The following ARID3B variants were observed in gnomAD, a reference collection of about 807,000 sequenced individuals.
ARID3B encodes AT-rich interactive domain-containing protein 3B.
In ARID3B, 10 loss-of-function variants were observed where a neutral mutation model predicts 51.9. The ratio of observed to expected loss-of-function variants is 0.19; its 90% CI spans 0.12 to 0.33. The LOEUF (loss-of-function observed/expected upper bound fraction) is 0.33, where lower values mean the gene tolerates loss of function less well. ARID3B is among the 10% of genes least tolerant of loss of function. The pLI is 1.00. For missense variants in ARID3B, 483 were observed against 716.3 expected (o/e 0.67, Z 3.72); for synonymous variants, 205 against 279.5 (o/e 0.73, Z 2.66).
At chr15:74,566,951 GA>G (rs1372370897) in intron 2 of ARID3B, among the ~76,000 whole-genome samples, 7 of 151,984 alleles carry the variant, frequency 4.6e-5, no homozygotes, top group Admixed American at 2.0e-4. Flanking sequence ...GAAAAAAAAG[GA>G]AAAGTGAAAA....
intron 4 of ARID3B, among the ~76,000 whole-genome samples, chr15:74,589,165 C>A (rs1179423165): frequency 6.6e-6 from 1 of 151,236 alleles, no homozygotes; most frequent in Non-Finnish European, 1.5e-5. Context: ...GTAGCTGGGA[C>A]TACAGGCGCC....
intron 4 of ARID3B, among the ~76,000 whole-genome samples, chr15:74,576,185 G>A (rs1567122923): frequency 6.6e-6 from 1 of 152,014 alleles, no homozygotes; most frequent in South Asian, 2.1e-4. Flanking sequence ...ATGAGCCACC[G>A]CACCTGGTTA....
chr15:74,543,720 TC>T, intron 1 of ARID3B, 139 bp from the exon 2 acceptor site: 1 of 535,858 alleles, frequency 1.9e-6, no homozygotes, highest in Non-Finnish European at 3.2e-6. Flanking sequence ...CACTCACTCA[TC>T]TTAAAACTCA....
chr15:74,548,038 G>A (rs889759969), intron 2 of ARID3B, among the ~76,000 whole-genome samples: 3 of 152,170 alleles, frequency 2.0e-5, no homozygotes, highest in African/African-American at 4.8e-5. Context: ...TTAAGGTGTG[G>A]TATTATTCTC....
At chr15:74,584,943 A>G (rs1439104163) in intron 4 of ARID3B, among the ~76,000 whole-genome samples, 1 of 152,172 alleles carries the variant, frequency 6.6e-6, no homozygotes, top group Non-Finnish European at 1.5e-5. Flanking sequence ...CTGAAATCTG[A>G]TAAGGGGCCT....
intron 2 of ARID3B, among the ~76,000 whole-genome samples, chr15:74,548,537 C>T (rs1262400600): frequency 6.6e-6 from 1 of 152,198 alleles, no homozygotes; most frequent in Non-Finnish European, 1.5e-5. Context: ...TACCCTTCCC[C>T]TTCTAGCATG....
Position 74,591,511 on chromosome 15 carries a change from G to A in ARID3B, c.1166-49G>A. ...TCCCTGTGTTCAAGACTGGGGTTTT[G>A]GGGCAAGAGGGTCAATTGTGGATTG... On this transcript the variant is annotated intron_variant, in intron 6 of 8. Transcript: ENST00000346246. This position sits in a 1 kb window ranked among gnomAD's most constrained non-coding sequence, Gnocchi z 5.8. 4 of 1,594,242 alleles carry A rather than the reference G, an allele frequency of 2.5e-6. No homozygotes were observed. Among genetic ancestry groups the A allele is most frequent in the Non-Finnish European group, 3.4e-6 (4 of 1,166,042 alleles).
chr15:74,562,322 G>A (rs1416423637), intron 2 of ARID3B, among the ~76,000 whole-genome samples: 1 of 151,960 alleles, frequency 6.6e-6, no homozygotes, highest in East Asian at 1.9e-4. Context: ...TGTATTTTTA[G>A]TAGAGACTGG....
chr15:74,549,006 A>T (rs1285805439), intron 2 of ARID3B, among the ~76,000 whole-genome samples: 2 of 152,084 alleles, frequency 1.3e-5, no homozygotes, highest in Non-Finnish European at 2.9e-5. Flanking sequence ...GCCATGACTG[A>T]CTGACTGGTG....
chr15:74,572,897 A>G lies in ARID3B; in HGVS notation c.588A>G (p.Gly196=). Reference sequence around the variant, plus strand: ...TGGCCTGGAGTGATGATGCAGATGGAGGCCGGGGAAGAGAGATCTCTCGAG... The same window carrying G: ...TGGCCTGGAGTGATGATGCAGATGGGGGCCGGGGAAGAGAGATCTCTCGAG... ...GGLAWSDDAD[G]GRGREISRDF... The change falls in exon 3 of 9, where the codon GGA becomes GGG. Residue 196 remains glycine, a synonymous_variant. Transcript: ENST00000346246. The G allele has an allele frequency of 6.2e-7, 1 of 1,614,122 alleles. No individual in the cohort carries two copies. The highest frequency in any genetic ancestry group is 2.2e-5 in the East Asian group (1 of 44,876).
intron 2 of ARID3B, among the ~76,000 whole-genome samples, chr15:74,547,149 T>A (rs2061618768): frequency 1.3e-5 from 2 of 151,546 alleles, no homozygotes; most frequent in Admixed American, 1.3e-4. Flanking sequence ...GACACAGATC[T>A]TTCCCCCCCG....
At chr15:74,572,753 G>A in intron 2 of ARID3B, 109 bp from the exon 3 acceptor site, 2 of 1,034,272 alleles carry the variant, frequency 1.9e-6, no homozygotes, top group East Asian at 2.4e-5. Flanking sequence ...AGTGAGGATA[G>A]CACAATTGCT....
At chr15:74,578,618 G>T (rs2061747348) in intron 4 of ARID3B, among the ~76,000 whole-genome samples, 1 of 152,166 alleles carries the variant, frequency 6.6e-6, no homozygotes, top group Admixed American at 6.5e-5. Context: ...AGCAGGTCAG[G>T]GACTTGGCCT....
At chr15:74,550,891 A>T (rs1172085352) in intron 2 of ARID3B, among the ~76,000 whole-genome samples, 1 of 152,150 alleles carries the variant, frequency 6.6e-6, no homozygotes, top group Non-Finnish European at 1.5e-5. Context: ...GAAAAATATG[A>T]GTGTGAAAGA....
intron 4 of ARID3B, among the ~76,000 whole-genome samples, chr15:74,585,857 T>TGAAAAA (rs1567125818): frequency 6.6e-6 from 1 of 152,204 alleles, no homozygotes; most frequent in Non-Finnish European, 1.5e-5. Context: ...TCTCAGTTGT[T>TGAAAAA]AGAAGAATCA....
chr15:74,572,957 A>G (rs1175646927), intron 3 of ARID3B, 24 bp downstream of exon 3: 1 of 1,613,322 alleles, frequency 6.2e-7, no homozygotes, highest in Non-Finnish European at 8.5e-7. Context: ...CCTTTGTGAT[A>G]CAGATAGGGG....
In ARID3B at chr15:74,544,269, T is replaced by A. The variant is rs781478898; in HGVS notation, c.333T>A (p.Ala111=). 5.0e-6 allele frequency: 8 copies of A among 1,614,062 alleles called. No homozygotes were observed. The Admixed American group carries it at 1.3e-4, about 27-fold the overall frequency. Residue 111 remains alanine, a synonymous_variant, in exon 2 of 9, where the codon GCT becomes GCA. Transcript: ENST00000346246. ...EDGDDEVAEV[A]EKETQAASKY... Reference sequence around the variant, plus strand: ...GGGATGATGAAGTTGCAGAGGTGGCTGAGAAAGAAACCCAGGCTGCTTCAA... The same window carrying A: ...GGGATGATGAAGTTGCAGAGGTGGCAGAGAAAGAAACCCAGGCTGCTTCAA...
chr15:74,544,435 T>G lies in ARID3B; in HGVS notation c.499T>G (p.Ser167Ala), dbSNP rs773326406. 12 of 1,614,052 alleles carry G rather than the reference T, an allele frequency of 7.4e-6. No individual in the cohort carries two copies. In the Admixed American group the frequency reaches 1.2e-4, roughly 16 times the overall value. The change falls in exon 2 of 9, where the codon TCT (serine) becomes GCT (alanine). Residue 167 changes from serine (S) to alanine (A), a missense_variant. This residue lies in a region of ARID3B where 182 missense variants were observed against 244.5 expected (regional missense o/e 0.74). Coordinates refer to ENST00000346246, the MANE Select transcript of ARID3B (RefSeq NM_006465.4). The stretch of plus-strand genomic sequence containing the variant: ...CAAAGATGCTTCCAAGGCCTCACCT[T>G]CTGTCTCCACAGCAGGACAGCCGAA... ...HTKDASKASP[S>A]VSTAGQPNWN...
chr15:74,571,210 T>C (rs1366024530), intron 2 of ARID3B, among the ~76,000 whole-genome samples: 2 of 152,248 alleles, frequency 1.3e-5, no homozygotes, highest in African/African-American at 4.8e-5. Flanking sequence ...TATAACTGCA[T>C]AATGCCTTCT....
Sources: allele counts gnomAD v4.1 joint callset (sites outside exome capture counted in the v4.1 genomes callset), GRCh38; gene constraint gnomAD v4.1.1; regional missense constraint gnomAD v4.1.1; non-coding constraint Gnocchi (gnomAD v3.1); transcripts MANE v1.5; gene names NCBI Gene and HGNC (gene_info 2026-07-23, HGNC 2026-07-21).